CELF4: variants seen among roughly 807,000 people sequenced by gnomAD.
CELF4 encodes CUGBP Elav-like family member 4.
CELF4 carries 18 observed loss-of-function variants against 59.9 expected under a neutral mutation model. The observed-to-expected ratio is 0.30, with a 90% CI of 0.21 to 0.45. The LOEUF (loss-of-function observed/expected upper bound fraction) is 0.45, where lower values mean the gene tolerates loss of function less well. CELF4 is among the 20% of genes least tolerant of loss of function. The pLI is 1.00. For missense variants in CELF4, 456 were observed against 689.0 expected, an observed-to-expected ratio of 0.66 and a Z score of 3.79; for synonymous variants, 261 against 267.1, an observed-to-expected ratio of 0.98 and a Z score of 0.22.
chr18:37,318,563 C>T (rs1311125142), intron 3 of CELF4, among the ~76,000 whole-genome samples: 1 of 151,498 alleles, frequency 6.6e-6, no homozygotes, highest in Non-Finnish European at 1.5e-5. Context: ...GACTCAGGGC[C>T]ATCTCACTGT....
chr18:37,547,246 G>A (rs1309951146), intron 1 of CELF4, among the ~76,000 whole-genome samples: 2 of 151,558 alleles, frequency 1.3e-5, no homozygotes, highest in East Asian at 3.9e-4. Context: ...GTTCCCATGA[G>A]CCAACAGGAG....
intron 2 of CELF4, among the ~76,000 whole-genome samples, chr18:37,360,093 T>G (rs1484267689): frequency 1.3e-5 from 2 of 151,950 alleles, no homozygotes; most frequent in Non-Finnish European, 2.9e-5. Flanking sequence ...CCTCAGGCAA[T>G]CCACCCGCCT....
At position 37,418,063 on chromosome 18, in the gene CELF4, A is replaced by T. The variant is rs193099714; in HGVS notation, c.369+67462T>A. On this transcript the variant is annotated intron_variant, in intron 2 of 12. Coordinates refer to ENST00000420428, the MANE Select transcript of CELF4 (RefSeq NM_020180.4). Reference sequence around the variant, plus strand: ...CCAGTGAGGGGCATCATGAAAATCCACCTATCTTTCAAGGCAAAAGTGATC... The same window carrying T: ...CCAGTGAGGGGCATCATGAAAATCCTCCTATCTTTCAAGGCAAAAGTGATC... Among the ~76,000 whole-genome samples, 43 of 152,146 alleles carry T rather than the reference A, an allele frequency of 2.8e-4. No individual in the cohort carries two copies. In the East Asian group the frequency reaches 5.8e-3, roughly 21 times the overall value.
At chr18:37,317,750 T>C (rs898702359) in intron 3 of CELF4, among the ~76,000 whole-genome samples, 6 of 152,308 alleles carry the variant, frequency 3.9e-5, no homozygotes, top group Middle Eastern at 3.4e-3. Context: ...CAGTGGCCTG[T>C]CAGCCTCAGC....
rs554747784 is a variant in CELF4, at chr18:37,363,189, C to T, written c.370-41308G>A. On this transcript the variant is annotated intron_variant, in intron 2 of 12. Transcript: ENST00000420428. Reference sequence around the variant, plus strand: ...TCTTGGGGGCTGTGTGGGGAGGGGACGAGGGTGGGGGAGGTTAGGAGGTGC... The same window carrying T: ...TCTTGGGGGCTGTGTGGGGAGGGGATGAGGGTGGGGGAGGTTAGGAGGTGC... Among the ~76,000 whole-genome samples the T allele has an allele frequency of 1.2e-4, 18 of 151,946 alleles. No individual in the cohort carries two copies. In the East Asian group the frequency reaches 1.4e-3, roughly 11 times the overall value.
intron 1 of CELF4, among the ~76,000 whole-genome samples, chr18:37,513,951 T>C (rs2099947576): frequency 1.3e-5 from 1 of 76,622 alleles, no homozygotes. Flanking sequence ...CGTGTGTGTG[T>C]GTGTGTGTGT....
At chr18:37,452,604 G>C (rs535575408) in intron 2 of CELF4, among the ~76,000 whole-genome samples, 19 of 152,098 alleles carry the variant, frequency 1.2e-4, no homozygotes, top group Non-Finnish European at 2.5e-4. Flanking sequence ...CTGTGTCACG[G>C]TGTCTCTGCA....
At chr18:37,431,648 C>A (rs181100851) in intron 2 of CELF4, among the ~76,000 whole-genome samples, 1 of 152,200 alleles carries the variant, frequency 6.6e-6, no homozygotes, top group Admixed American at 6.5e-5. Context: ...GGATTACAGG[C>A]GTGAGCCACT....
intron 3 of CELF4, among the ~76,000 whole-genome samples, chr18:37,283,517 C>T (rs545959038): frequency 5.9e-5 from 9 of 152,150 alleles, no homozygotes; most frequent in Non-Finnish European, 1.2e-4. Flanking sequence ...ATTCCTAAAT[C>T]GCCGGGCATG....
At chr18:37,414,672 C>T (rs1280233544) in intron 2 of CELF4, among the ~76,000 whole-genome samples, 26 of 151,704 alleles carry the variant, frequency 1.7e-4, no homozygotes, top group African/African-American at 5.8e-4. Flanking sequence ...TAATTTTTTG[C>T]ATTTTTAGTA....
At chr18:37,271,599 C>T (rs1397068728) in intron 7 of CELF4, among the ~76,000 whole-genome samples, 1 of 152,154 alleles carries the variant, frequency 6.6e-6, no homozygotes, top group East Asian at 1.9e-4. Context: ...TCAGCTAAGG[C>T]TGGATGAGCT....
intron 2 of CELF4, among the ~76,000 whole-genome samples, chr18:37,439,977 G>A (rs574508102): frequency 4.6e-5 from 7 of 152,298 alleles, no homozygotes; most frequent in African/African-American, 1.7e-4. Flanking sequence ...TTCTGGTCCT[G>A]GGGATGGCCC....
chr18:37,288,960 T>C (rs369116365), intron 3 of CELF4, among the ~76,000 whole-genome samples: 1 of 152,176 alleles, frequency 6.6e-6, no homozygotes, highest in African/African-American at 2.4e-5. Flanking sequence ...GAATTTTCTG[T>C]CTCAGAAACC....
At chr18:37,413,145 A>G (rs774355706) in intron 2 of CELF4, among the ~76,000 whole-genome samples, 2 of 152,172 alleles carry the variant, frequency 1.3e-5, no homozygotes, top group East Asian at 1.9e-4. Context: ...TAAAAACAAC[A>G]TATTGACCCT....
At chr18:37,243,010 G>A (rs1187517436), downstream of CELF4, 1 of 152,186 alleles carries the variant, frequency 6.6e-6, no homozygotes, top group Non-Finnish European at 1.5e-5. Context: ...GCTGGCCAGA[G>A]TCCGAGAGGC....
At chr18:37,338,366 C>T (rs2154545472) in intron 2 of CELF4, among the ~76,000 whole-genome samples, 1 of 145,362 alleles carries the variant, frequency 6.9e-6, no homozygotes. Context: ...GTTACCTTAA[C>T]CTTGTCACTA....
At chr18:37,540,314 T>A (rs1189940573) in intron 1 of CELF4, among the ~76,000 whole-genome samples, 1 of 152,222 alleles carries the variant, frequency 6.6e-6, no homozygotes. Flanking sequence ...AATGATTACA[T>A]CTCTCATTTG....
chr18:37,492,892 G>T (rs77297525), intron 1 of CELF4, among the ~76,000 whole-genome samples: 5 of 151,996 alleles, frequency 3.3e-5, no homozygotes, highest in Admixed American at 2.6e-4. Flanking sequence ...AGTAACAGGC[G>T]GGAAAAAGAC....
intron 3 of CELF4, among the ~76,000 whole-genome samples, chr18:37,321,393 A>G (rs2097111814): frequency 6.6e-6 from 1 of 151,974 alleles, no homozygotes; most frequent in Non-Finnish European, 1.5e-5. Flanking sequence ...GACCACTCAG[A>G]TTTGCCTCCT....
Sources: gnomAD v4.1 joint callset for allele counts (sites outside exome capture counted in the v4.1 genomes callset) on GRCh38, gnomAD v4.1.1 for gene constraint, MANE v1.5 for transcripts, NCBI Gene and HGNC (gene_info 2026-07-23, HGNC 2026-07-21) for gene names.